RELN: variants seen among roughly 807,000 people sequenced by gnomAD.
The protein encoded by RELN is reelin.
A neutral mutation model predicts 427.6 loss-of-function variants in RELN; 108 were observed. That is an observed-to-expected ratio of 0.25 (90% confidence interval 0.22 to 0.30). The LOEUF is 0.30. RELN is among the 10% of genes least tolerant of loss of function. The probability of loss-of-function intolerance (pLI) is 1.00; values close to 1 mark genes in which losing one functional copy is unlikely to be tolerated. For synonymous variants in RELN, 1,524 were observed against 1,513.4 expected (o/e 1.01, Z -0.16); for missense variants, 3,715 against 4,302.8 (o/e 0.86, Z 3.82).
At chr7:103,936,942 T>C (rs926621651) in intron 1 of RELN, among the ~76,000 whole-genome samples, 20 of 152,356 alleles carry the variant, frequency 1.3e-4, no homozygotes, top group African/African-American at 4.8e-4. Context: ...CTAGATAATC[T>C]TTTATTTCAT....
intron 3 of RELN, among the ~76,000 whole-genome samples, chr7:103,794,098 G>A (rs1247216661): frequency 1.3e-5 from 2 of 152,024 alleles, no homozygotes; most frequent in Non-Finnish European, 2.9e-5. Flanking sequence ...TAATTTTGTA[G>A]GTAATTTTTT....
At chr7:103,921,356 T>A (rs57179739) in intron 1 of RELN, among the ~76,000 whole-genome samples, 23,251 of 152,106 alleles carry the variant, frequency 0.15, 3,982 homozygotes, top group African/African-American at 0.41. Flanking sequence ...CTCCCATATA[T>A]TCAGTCTTTA....
intron 1 of RELN, among the ~76,000 whole-genome samples, chr7:103,986,006 G>A (rs967358759): frequency 8.6e-5 from 13 of 151,868 alleles, no homozygotes; most frequent in South Asian, 4.2e-4. Flanking sequence ...TTTGGTGCCC[G>A]AAACGCACAT....
At chr7:103,508,407 G>C (rs1031532733) in intron 51 of RELN, among the ~76,000 whole-genome samples, 19 of 152,320 alleles carry the variant, frequency 1.2e-4, no homozygotes, top group Admixed American at 7.2e-4. Flanking sequence ...AAAATGCCAT[G>C]ATTATCTCAA....
At chr7:103,962,167 C>T (rs1037808345) in intron 1 of RELN, among the ~76,000 whole-genome samples, 2 of 152,072 alleles carry the variant, frequency 1.3e-5, no homozygotes, top group Non-Finnish European at 2.9e-5. Context: ...TAACAAAACA[C>T]GCTTCCCTGT....
At chr7:103,930,868 A>ATGTGTGTG (rs60265174) in intron 1 of RELN, among the ~76,000 whole-genome samples, 1,933 of 141,950 alleles carry the variant, frequency 0.014, 29 homozygotes, top group East Asian at 0.044. Context: ...GTGTGAGCAT[A>ATGTGTGTG]TGTGTGTGTG....
intron 10 of RELN, 97 bp from the exon 11 acceptor site, chr7:103,682,358 A>G: frequency 1.6e-6 from 2 of 1,272,332 alleles, no homozygotes; most frequent in Non-Finnish European, 2.3e-6. Context: ...AAAAGTTATT[A>G]TATTAGCTCC....
Position 103,926,627 on chromosome 7 carries a change from G to GTTTTTTTTTTTTTTTTTTTTTT in RELN, c.227-9464_227-9443dup, listed in dbSNP as rs60259062. ...CGAACGCAGCTCTAAAGTATCATAAGTTTTTTTTTTTTTTTTTTTTTTTTT... is the reference window on the plus strand; with the variant it reads ...CGAACGCAGCTCTAAAGTATCATAAGTTTTTTTTTTTTTTTTTTTTTTTTTTTTTTTTTTTTTTTTTTTTTTT... On this transcript the variant is annotated intron_variant, in intron 1 of 64. Coordinates refer to ENST00000428762, the MANE Select transcript of RELN (RefSeq NM_005045.4). Among the ~76,000 whole-genome samples, 2 of 99,480 alleles carry GTTTTTTTTTTTTTTTTTTTTTT rather than the reference G, an allele frequency of 2.0e-5. 1 individual carries two copies. The highest frequency in any genetic ancestry group is 7.1e-5 in the African/African-American group (2 of 28,182). The allele number at this position is 99,480 out of a possible 152,430, so 65.3% of individuals were successfully genotyped here. A position where few individuals can be genotyped will look rare whatever the true frequency, so the allele number is the denominator to read the frequency against.
chr7:103,517,433 T>TA (rs1211307836), intron 49 of RELN, among the ~76,000 whole-genome samples: 1 of 152,232 alleles, frequency 6.6e-6, no homozygotes, highest in Non-Finnish European at 1.5e-5. Flanking sequence ...CTTGAAAGTC[T>TA]AAATAAATTA....
At chr7:103,532,108 C>A (rs1829953274) in intron 46 of RELN, among the ~76,000 whole-genome samples, 1 of 147,850 alleles carries the variant, frequency 6.8e-6, no homozygotes, top group Admixed American at 6.7e-5. Context: ...TACTATGCAG[C>A]CATAAAAAGG....
intron 64 of RELN, among the ~76,000 whole-genome samples, chr7:103,473,920 C>T (rs1827942853): frequency 6.6e-6 from 1 of 152,066 alleles, no homozygotes; most frequent in Non-Finnish European, 1.5e-5. Context: ...TCCCTAATTC[C>T]ATGAAGACAT....
In RELN at chr7:103,684,747, A is replaced by T. The variant is rs536935614; in HGVS notation, c.1144-2486T>A. ...TGCTAGAGGTGTTGTTAGTGGCACA[A>T]ATAATATATGAGGAAATGCATTTTG... On this transcript the variant is annotated intron_variant, in intron 10 of 64. Coordinates refer to ENST00000428762, the MANE Select transcript of RELN (RefSeq NM_005045.4). Among the ~76,000 whole-genome samples, 36 of 152,310 alleles carry T rather than the reference A, an allele frequency of 2.4e-4. 1 individual carries two copies. The highest frequency in any genetic ancestry group is 8.2e-4 in the African/African-American group (34 of 41,576).
At chr7:103,884,017 C>T (rs1370072020) in intron 2 of RELN, among the ~76,000 whole-genome samples, 1 of 152,090 alleles carries the variant, frequency 6.6e-6, no homozygotes, top group Non-Finnish European at 1.5e-5. Flanking sequence ...TATGATACTA[C>T]CTAACTTCAA....
chr7:103,559,502 T>C (rs143932296), intron 36 of RELN, among the ~76,000 whole-genome samples: 10 of 152,340 alleles, frequency 6.6e-5, no homozygotes, highest in East Asian at 1.9e-4. Flanking sequence ...ACCTAACCCA[T>C]GCATCTTCTT....
At chr7:103,689,799 C>A (rs1261434055) in intron 10 of RELN, among the ~76,000 whole-genome samples, 1 of 152,146 alleles carries the variant, frequency 6.6e-6, no homozygotes, top group African/African-American at 2.4e-5. Context: ...TTGATGATAA[C>A]TTGTGGAAAG....
chr7:103,811,357 A>G (rs531293123), intron 3 of RELN, among the ~76,000 whole-genome samples: 226 of 152,340 alleles, frequency 1.5e-3, no homozygotes, highest in Non-Finnish European at 2.8e-3. Context: ...CACAAGAGGT[A>G]CTGTAAAACA....
intron 6 of RELN, among the ~76,000 whole-genome samples, chr7:103,730,342 T>G (rs2115947220): frequency 6.6e-6 from 1 of 152,140 alleles, no homozygotes; most frequent in South Asian, 2.1e-4. Context: ...CCTTCCATAG[T>G]TTCGCTTAAA....
chr7:103,760,447 A>C (rs1791271445), intron 4 of RELN, among the ~76,000 whole-genome samples: 1 of 152,114 alleles, frequency 6.6e-6, no homozygotes, highest in South Asian at 2.1e-4. Flanking sequence ...TTTTGGATGG[A>C]AATTTTAAAG....
At chr7:103,868,696 C>T (rs1305451810) in intron 2 of RELN, among the ~76,000 whole-genome samples, 1 of 152,048 alleles carries the variant, frequency 6.6e-6, no homozygotes, top group Non-Finnish European at 1.5e-5. Flanking sequence ...GGCTATTTCT[C>T]TCTTAGGTCT....
Sources: allele counts gnomAD v4.1 joint callset (sites outside exome capture counted in the v4.1 genomes callset), GRCh38; gene constraint gnomAD v4.1.1; transcripts MANE v1.5; gene names NCBI Gene and HGNC (gene_info 2026-07-23, HGNC 2026-07-21).